Variants in GPR15LG observed in about 807,000 individuals in gnomAD.
The protein encoded by GPR15LG is protein GPR15LG.
At chr10:84,185,143 C>T in the GPR15LG span, 2 of 1,015,872 alleles carry the variant, frequency 2.0e-6, no homozygotes, top group Non-Finnish European at 2.4e-6. Context: ...AGAGTCTCCT[C>T]CATCTTCAGG....
the GPR15LG span, among the ~76,000 whole-genome samples, chr10:84,184,299 C>G: frequency 6.6e-6 from 1 of 152,236 alleles, no homozygotes; most frequent in African/African-American, 2.4e-5. Flanking sequence ...CATGTGCCAT[C>G]TGGAAGGAGA....
At chr10:84,179,886 T>TG in the GPR15LG span, among the ~76,000 whole-genome samples, 3 of 152,012 alleles carry the variant, frequency 2.0e-5, no homozygotes, top group Admixed American at 2.0e-4. Flanking sequence ...GCTTTTTTTT[T>TG]TTTTTTAGTA....
chr10:84,181,480 C>T, the GPR15LG span, among the ~76,000 whole-genome samples: 1 of 152,206 alleles, frequency 6.6e-6, no homozygotes. Flanking sequence ...GGCTGGAGTG[C>T]AGTGGCACAA....
At chr10:84,174,062 C>T in the GPR15LG span, 4 of 687,576 alleles carry the variant, frequency 5.8e-6, no homozygotes, top group Non-Finnish European at 1.0e-5. Flanking sequence ...GGCTCTTTCT[C>T]CTGAACCTAT....
the GPR15LG span, chr10:84,184,807 C>T: frequency 6.2e-7 from 1 of 1,611,584 alleles, no homozygotes; most frequent in Non-Finnish European, 8.5e-7. Context: ...GAACCTCATG[C>T]CTGGCACCTG....
At chr10:84,176,585 T>A in the GPR15LG span, 1 of 1,590,410 alleles carries the variant, frequency 6.3e-7, no homozygotes. Flanking sequence ...TACCCCCACC[T>A]CGTCCAGACT....
At chr10:84,181,008 G>A in the GPR15LG span, among the ~76,000 whole-genome samples, 1 of 152,306 alleles carries the variant, frequency 6.6e-6, no homozygotes, top group African/African-American at 2.4e-5. Flanking sequence ...ATCAGGCAGG[G>A]AGGTTGCAGT....
chr10:84,185,005 CA>C, the GPR15LG span: 1 of 1,361,616 alleles, frequency 7.3e-7, no homozygotes, highest in Non-Finnish European at 9.4e-7. Flanking sequence ...CAGTCGCCAC[CA>C]TGTGGGCCTC....
At chr10:84,175,563 G>T in the GPR15LG span, among the ~76,000 whole-genome samples, 2 of 152,228 alleles carry the variant, frequency 1.3e-5, no homozygotes, top group Non-Finnish European at 2.9e-5. Flanking sequence ...GGAGTGCAGT[G>T]GCATGACCAC....
the GPR15LG span, chr10:84,173,976 ACT>A: frequency 1.6e-5 from 22 of 1,361,622 alleles, no homozygotes; most frequent in Middle Eastern, 2.0e-4. Context: ...ATCTGGGAAG[ACT>A]CTGATCAGGA....
At chr10:84,183,939 C>A in the GPR15LG span, among the ~76,000 whole-genome samples, 2 of 152,270 alleles carry the variant, frequency 1.3e-5, no homozygotes, top group South Asian at 4.1e-4. Flanking sequence ...AGCCACTACA[C>A]CTGGCCAAAT....
the GPR15LG span, chr10:84,173,818 C>A: frequency 2.0e-6 from 3 of 1,515,684 alleles, no homozygotes; most frequent in Non-Finnish European, 2.8e-6. Context: ...CAGCACAGCT[C>A]CCTTCCCAGG....
chr10:84,177,934 G>A, the GPR15LG span, among the ~76,000 whole-genome samples: 215 of 152,126 alleles, frequency 1.4e-3, 1 homozygote, highest in African/African-American at 5.0e-3. Context: ...CCCCACCACA[G>A]ACACACACAC....
At chr10:84,180,321 C>T in the GPR15LG span, among the ~76,000 whole-genome samples, 2 of 152,278 alleles carry the variant, frequency 1.3e-5, no homozygotes, top group African/African-American at 4.8e-5. Context: ...TCTTTCTTTT[C>T]CCCACATTTC....
At chr10:84,174,492 T>TC in the GPR15LG span, among the ~76,000 whole-genome samples, 85 of 137,326 alleles carry the variant, frequency 6.2e-4, 1 homozygote, top group South Asian at 1.2e-3. Flanking sequence ...TTTTTCTTTT[T>TC]TCTTTTTTTT....
chr10:84,174,567 C>G, the GPR15LG span, among the ~76,000 whole-genome samples: 1 of 144,894 alleles, frequency 6.9e-6, no homozygotes, highest in South Asian at 2.2e-4. Context: ...TATCTCAGCT[C>G]ACTGCAATCT....
chr10:84,176,292 C>T, the GPR15LG span, among the ~76,000 whole-genome samples: 1 of 151,846 alleles, frequency 6.6e-6, no homozygotes, highest in African/African-American at 2.4e-5. Flanking sequence ...GGCCATGTGT[C>T]TCCCAACATT....
chr10:84,179,634 G>A, the GPR15LG span, among the ~76,000 whole-genome samples: 3 of 152,186 alleles, frequency 2.0e-5, no homozygotes, highest in African/African-American at 7.2e-5. Context: ...GTTGCCTAGA[G>A]GGTGTTCCTG....
the GPR15LG span, among the ~76,000 whole-genome samples, chr10:84,179,888 T>TC: frequency 6.6e-6 from 1 of 152,010 alleles, no homozygotes; most frequent in Non-Finnish European, 1.5e-5. Context: ...TTTTTTTTTT[T>TC]TTTTAGTATT....
Sources: gnomAD v4.1 joint callset for allele counts (sites outside exome capture counted in the v4.1 genomes callset) on GRCh38, gnomAD v4.1.1 for gene constraint, MANE v1.5 for transcripts, NCBI Gene and HGNC (gene_info 2026-07-23, HGNC 2026-07-21) for gene names.